AKR1C3: variants seen among roughly 807,000 people sequenced by gnomAD.
The protein encoded by AKR1C3 is aldo-keto reductase family 1 member C3, also known as 3-alpha hydroxysteroid dehydrogenase, type II.
In AKR1C3, 48 loss-of-function variants were observed where a neutral mutation model predicts 43.6. The ratio of observed to expected loss-of-function variants is 1.10; its 90% CI spans 0.87 to 1.40. AKR1C3 has a LOEUF of 1.40. Among genes scored for constraint, AKR1C3 ranks in the 40% most tolerant of loss-of-function variants. AKR1C3 has a pLI of 0.00. For missense variants in AKR1C3, 482 were observed against 391.2 expected, an observed-to-expected ratio of 1.23 and a Z score of -1.96; for synonymous variants, 162 against 139.6, an observed-to-expected ratio of 1.16 and a Z score of -1.13.
At chr10:5,094,387 T>C (rs782813121), upstream of AKR1C3, 406 of 1,593,092 alleles carry the variant, frequency 2.5e-4, 2 homozygotes, top group Non-Finnish European at 2.7e-4. Flanking sequence ...CCCATTGTTT[T>C]TGTAATCTCT....
At chr10:5,096,015 C>G (rs542464014) in intron 1 of AKR1C3, 1 of 155,018 alleles carries the variant, frequency 6.5e-6, no homozygotes, top group East Asian at 1.9e-4. Flanking sequence ...TCTGAGTGAG[C>G]ATTCTGTGTA....
rs370884375 is a variant in AKR1C3 at position 5,096,551 on chromosome 10, A to G, written c.226A>G (p.Arg76Gly). ...CAAGATTGCAGATGGCAGTGTGAAG[A>G]GAGAAGACATATTCTACACTTCAAA... ...RSKIADGSVKREDIFYTSKLW... is the reference protein window; with the variant it reads ...RSKIADGSVKGEDIFYTSKLW... The change falls in exon 2 of 9, where the codon AGA becomes GGA. Residue 76 changes from arginine to glycine, a missense_variant. Physicochemically the swap from Arg to Gly is moderately radical, Grantham distance 125. Transcript: ENST00000380554. 1.1e-3 allele frequency: 1,746 copies of G among 1,613,784 alleles called. 17 individuals are homozygous for G. In the South Asian group the frequency reaches 0.018, roughly 17 times the overall value.
Position 5,061,880 on chromosome 10 carries a change from G to A in AKR1C3, c.84+12985G>A, listed in dbSNP as rs1434296511. 2.6e-5 allele frequency among the ~76,000 whole-genome samples: 4 copies of A among 152,106 alleles called. No individual in the cohort carries two copies. The South Asian group carries it at 6.2e-4, about 24-fold the overall frequency. ...AGTATGAAAGACAAAATGTCTTAAA[G>A]CCATTACATATTACTCTCAAATTAA... is the stretch of plus-strand genomic sequence containing the variant. On this transcript the variant is annotated intron_variant, in intron 1 of 8. Coordinates refer to the AKR1C3 transcript ENST00000439082.
At chr10:5,083,447 G>C (rs1167760541) in intron 1 of AKR1C3, among the ~76,000 whole-genome samples, 2 of 151,174 alleles carry the variant, frequency 1.3e-5, no homozygotes, top group African/African-American at 4.9e-5. Flanking sequence ...ATGGTGTATA[G>C]GTGCCACATT....
chr10:5,065,651 T>C (rs1437322132), intron 1 of AKR1C3, among the ~76,000 whole-genome samples: 1 of 152,104 alleles, frequency 6.6e-6, no homozygotes, highest in Non-Finnish European at 1.5e-5. Flanking sequence ...TTTGTGGGAG[T>C]TTAAATACAC....
intron 3 of AKR1C3, 92 bp downstream of exon 3, chr10:5,097,642 G>A: frequency 1.3e-6 from 2 of 1,598,422 alleles, no homozygotes; most frequent in South Asian, 1.1e-5. Flanking sequence ...TTATTAGGAG[G>A]ATGTAGGGAT....
intron 1 of AKR1C3, among the ~76,000 whole-genome samples, chr10:5,071,242 C>A (rs1265486079): frequency 6.6e-6 from 1 of 152,188 alleles, no homozygotes; most frequent in Non-Finnish European, 1.5e-5. Context: ...TGGATGAGAG[C>A]CTTCCTGCTG....
At chr10:5,052,168 C>T (rs1054427783) in intron 1 of AKR1C3, among the ~76,000 whole-genome samples, 2 of 152,130 alleles carry the variant, frequency 1.3e-5, no homozygotes, top group Admixed American at 6.5e-5. Flanking sequence ...TGCAGACCTA[C>T]ATGGTGAGTG....
intron 1 of AKR1C3, among the ~76,000 whole-genome samples, chr10:5,072,425 T>C (rs951630160): frequency 6.6e-6 from 1 of 152,220 alleles, no homozygotes; most frequent in Non-Finnish European, 1.5e-5. Flanking sequence ...TCTTCTATGC[T>C]CATGTCTTAG....
chr10:5,050,996 C>A (rs1838141428), intron 1 of AKR1C3, among the ~76,000 whole-genome samples: 1 of 152,188 alleles, frequency 6.6e-6, no homozygotes, highest in Non-Finnish European at 1.5e-5. Context: ...TTCCTACTTT[C>A]CTTGGGAATT....
chr10:5,070,093 C>A (rs555928835), intron 1 of AKR1C3, among the ~76,000 whole-genome samples: 1 of 152,322 alleles, frequency 6.6e-6, no homozygotes, highest in South Asian at 2.1e-4. Context: ...CGGTTAGGTG[C>A]CTTCACATGG....
chr10:5,056,568 G>A (rs1838266303), intron 1 of AKR1C3, among the ~76,000 whole-genome samples: 2 of 152,142 alleles, frequency 1.3e-5, no homozygotes, highest in Admixed American at 6.5e-5. Flanking sequence ...TGAGCTTCAG[G>A]CCTTAAGGGA....
chr10:5,057,438 G>A (rs1185565934), intron 1 of AKR1C3, among the ~76,000 whole-genome samples: 1 of 152,170 alleles, frequency 6.6e-6, no homozygotes, highest in African/African-American at 2.4e-5. Flanking sequence ...CCCAGGGCTT[G>A]CTTTTGGAGC....
intron 1 of AKR1C3, among the ~76,000 whole-genome samples, chr10:5,060,742 G>C (rs950330740): frequency 2.0e-5 from 3 of 151,752 alleles, no homozygotes; most frequent in Non-Finnish European, 4.4e-5. Flanking sequence ...GCAGGGGGTG[G>C]CACTTGTTGG....
Position 5,099,336 on chromosome 10 carries a change from A to G in AKR1C3, c.457A>G (p.Lys153Glu). ...ACCCCTTTCTCCACAGGCCATGGAG[A>G]AGTGTAAGGATGCAGGATTGGCCAA... ...DLCTTWEAMEKCKDAGLAKSI... is the reference protein window; with the variant it reads ...DLCTTWEAMEECKDAGLAKSI... The change falls in exon 5 of 9, where the codon AAG (lysine) becomes GAG (glutamate). Residue 153 changes from lysine to glutamate, a missense_variant. Coordinates refer to ENST00000380554, the MANE Select transcript of AKR1C3 (RefSeq NM_003739.6). The G allele has an allele frequency of 6.2e-7, 1 of 1,614,032 alleles. No individual in the cohort carries two copies. Among genetic ancestry groups the G allele is most frequent in the East Asian group, 2.2e-5 (1 of 44,872 alleles).
At chr10:5,105,524 C>T in intron 7 of AKR1C3, 71 bp from the exon 8 acceptor site, 1 of 1,160,414 alleles carries the variant, frequency 8.6e-7, no homozygotes. Flanking sequence ...TCTCTGCACC[C>T]TACTGTCTAA....
intron 7 of AKR1C3, among the ~76,000 whole-genome samples, chr10:5,103,239 C>T (rs587693798): frequency 6.6e-6 from 1 of 152,226 alleles, no homozygotes; most frequent in South Asian, 2.1e-4. Context: ...TTTAGTCTAC[C>T]AGTCATTGTG....
intron 7 of AKR1C3, among the ~76,000 whole-genome samples, chr10:5,103,246 T>G (rs1839404162): frequency 6.6e-6 from 1 of 152,184 alleles, no homozygotes; most frequent in South Asian, 2.1e-4. Flanking sequence ...TACCAGTCAT[T>G]GTGGATTTTT....
At chr10:5,072,613 T>A (rs1838635029) in intron 1 of AKR1C3, among the ~76,000 whole-genome samples, 3 of 152,216 alleles carry the variant, frequency 2.0e-5, no homozygotes, top group Non-Finnish European at 2.9e-5. Flanking sequence ...GATAACTTCC[T>A]ATCTCCATGG....
Sources: gnomAD v4.1 joint callset for allele counts (sites outside exome capture counted in the v4.1 genomes callset) on GRCh38, gnomAD v4.1.1 for gene constraint, MANE v1.5 for transcripts, NCBI Gene and HGNC (gene_info 2026-07-23, HGNC 2026-07-21) for gene names.